The following NALF1 variants were observed in gnomAD, a reference collection of about 807,000 sequenced individuals.
The protein encoded by NALF1 is NALCN channel auxiliary factor 1, also known as family with sequence similarity 155 member A.
Under a neutral mutation model 48.4 loss-of-function variants are expected in NALF1, and 3 were observed. That is an observed-to-expected ratio of 0.06 (90% CI 0.03 to 0.16). NALF1 has a LOEUF of 0.16. Among genes scored for constraint, NALF1 ranks in the 10% least tolerant of loss-of-function variants. The pLI, the probability that NALF1 is intolerant of heterozygous loss-of-function variation, is 1.00. For synonymous variants in NALF1, 262 were observed against 245.7 expected (o/e 1.07, Z -0.62); for missense variants, 526 against 571.5 (o/e 0.92, Z 0.81).
At chr13:107,626,268 T>C (rs1319820215) in intron 1 of NALF1, among the ~76,000 whole-genome samples, 1 of 151,938 alleles carries the variant, frequency 6.6e-6, no homozygotes, top group Non-Finnish European at 1.5e-5. Flanking sequence ...AGCAGAAAGA[T>C]CTACAATGAG....
intron 1 of NALF1, among the ~76,000 whole-genome samples, chr13:107,523,397 GT>G (rs1426318001): frequency 6.6e-6 from 1 of 151,960 alleles, no homozygotes; most frequent in African/African-American, 2.4e-5. Flanking sequence ...TATACTTTAA[GT>G]TTTAGGGTAC....
intron 1 of NALF1, among the ~76,000 whole-genome samples, chr13:107,742,070 T>C (rs72657225): frequency 0.039 from 5,871 of 152,268 alleles, 115 homozygotes; most frequent in Non-Finnish European, 0.046. Context: ...TGGTGCACCA[T>C]GTTCTCAGGA....
intron 1 of NALF1, among the ~76,000 whole-genome samples, chr13:107,564,591 T>C (rs2138396133): frequency 6.6e-6 from 1 of 152,308 alleles, no homozygotes; most frequent in East Asian, 1.9e-4. Context: ...GCTGATATTC[T>C]TCTGAGTAAC....
chr13:107,300,058 G>A (rs1456007541), intron 1 of NALF1, among the ~76,000 whole-genome samples: 1 of 152,186 alleles, frequency 6.6e-6, no homozygotes, highest in African/African-American at 2.4e-5. Context: ...ATTCCCCTAA[G>A]ATTTGCAGGG....
intron 1 of NALF1, among the ~76,000 whole-genome samples, chr13:107,638,187 T>TTATATATATATATA (rs559263292): frequency 1.9e-5 from 1 of 53,076 alleles, no homozygotes; most frequent in Non-Finnish European, 4.8e-5. Context: ...ATATAAAGAT[T>TTATATATATATATA]TATATATATA....
chr13:107,851,169 G>A (rs1543004), intron 1 of NALF1, among the ~76,000 whole-genome samples: 89,384 of 151,806 alleles, frequency 0.59, 27,648 homozygotes, highest in Non-Finnish European at 0.68. Context: ...TTTCAATGTC[G>A]TCTGAATTTT....
At chr13:107,358,168 A>G (rs9559018) in intron 1 of NALF1, among the ~76,000 whole-genome samples, 38,964 of 147,706 alleles carry the variant, frequency 0.26, 7,125 homozygotes, top group East Asian at 0.44. Context: ...TACGTAACAT[A>G]TGTGTGTGTG....
intron 1 of NALF1, among the ~76,000 whole-genome samples, chr13:107,567,520 T>C (rs947091635): frequency 2.6e-5 from 4 of 152,222 alleles, no homozygotes; most frequent in East Asian, 1.9e-4. Context: ...AGGTTACAGA[T>C]GACTACTCAG....
chr13:107,363,807 T>C (rs1232307264), intron 1 of NALF1, among the ~76,000 whole-genome samples: 1 of 152,224 alleles, frequency 6.6e-6, no homozygotes, highest in African/African-American at 2.4e-5. Context: ...TAAAACATTC[T>C]ATTTTGTTTC....
At chr13:107,275,038 G>A (rs762279067) in intron 1 of NALF1, among the ~76,000 whole-genome samples, 3 of 152,144 alleles carry the variant, frequency 2.0e-5, no homozygotes, top group Non-Finnish European at 2.9e-5. Flanking sequence ...ATTAGTGTAA[G>A]GTGCCCTACA....
At chr13:107,279,194 C>G (rs1407600929) in intron 1 of NALF1, among the ~76,000 whole-genome samples, 1 of 152,054 alleles carries the variant, frequency 6.6e-6, no homozygotes, top group African/African-American at 2.4e-5. Context: ...CTCTGTACTT[C>G]CCCTGGACAT....
At chr13:107,710,800 T>TATATACATATATAC (rs1173309590) in intron 1 of NALF1, among the ~76,000 whole-genome samples, 1 of 108,800 alleles carries the variant, frequency 9.2e-6, no homozygotes, top group Non-Finnish European at 1.9e-5. Flanking sequence ...CATATATGTA[T>TATATACATATATAC]ATATACATAT....
At chr13:107,460,728 C>T (rs1180543119) in intron 1 of NALF1, among the ~76,000 whole-genome samples, 1 of 152,128 alleles carries the variant, frequency 6.6e-6, no homozygotes, top group East Asian at 1.9e-4. Context: ...AATACATAGT[C>T]ACTATCAATT....
chr13:107,311,572 T>C (rs921095775), intron 1 of NALF1, among the ~76,000 whole-genome samples: 4 of 150,552 alleles, frequency 2.7e-5, no homozygotes, highest in African/African-American at 4.9e-5. Flanking sequence ...TGATATAATA[T>C]AATAAAAATA....
intron 1 of NALF1, among the ~76,000 whole-genome samples, chr13:107,518,275 T>C (rs1304319111): frequency 6.7e-6 from 1 of 149,228 alleles, no homozygotes; most frequent in Non-Finnish European, 1.5e-5. Flanking sequence ...AATAATTAAA[T>C]ATAAAGAAGA....
chr13:107,692,949 C>T (rs1003436940), intron 1 of NALF1, among the ~76,000 whole-genome samples: 2 of 152,056 alleles, frequency 1.3e-5, no homozygotes, highest in African/African-American at 4.8e-5. Flanking sequence ...AATAGTGCTG[C>T]AATAAACATA....
At chr13:107,177,316 T>C (rs1242195568) in intron 2 of NALF1, among the ~76,000 whole-genome samples, 1 of 152,102 alleles carries the variant, frequency 6.6e-6, no homozygotes. Context: ...TTCAATGCAA[T>C]CCCTATAAAA....
chr13:107,851,805 C>CTTTTTTTTTTTT lies in NALF1; in HGVS notation c.915+13865_915+13876dup, dbSNP rs34999908. Among the ~76,000 whole-genome samples, 43 of 104,702 alleles carry CTTTTTTTTTTTT rather than the reference C, an allele frequency of 4.1e-4. 1 individual carries two copies. Among genetic ancestry groups the CTTTTTTTTTTTT allele is most frequent in the East Asian group, 5.7e-4 (2 of 3,488 alleles). 68.7% of individuals were successfully genotyped at this position (104,702 alleles called of 152,430 possible). A position where few individuals can be genotyped will look rare whatever the true frequency, so the allele number is the denominator to read the frequency against. On this transcript the variant is annotated intron_variant, in intron 1 of 2. Coordinates refer to ENST00000375915, the MANE Select transcript of NALF1 (RefSeq NM_001080396.3). ...GGATTAAGGGCTTTACAGGCCCTTT[C>CTTTTTTTTTTTT]TTTTTTTTTTTTTTTTTTTTTGAGA...
At chr13:107,207,918 T>C (rs1192053036) in intron 2 of NALF1, among the ~76,000 whole-genome samples, 1 of 152,136 alleles carries the variant, frequency 6.6e-6, no homozygotes, top group Non-Finnish European at 1.5e-5. Context: ...CTACCAAAAT[T>C]GTGTGGATTA....
Sources: gnomAD v4.1 joint callset for allele counts (sites outside exome capture counted in the v4.1 genomes callset) on GRCh38, gnomAD v4.1.1 for gene constraint, MANE v1.5 for transcripts, NCBI Gene and HGNC (gene_info 2026-07-23, HGNC 2026-07-21) for gene names.